The following WDFY3 variants were observed in gnomAD, a reference collection of about 807,000 sequenced individuals.
WDFY3 encodes the protein WD repeat and FYVE domain containing 3.
A neutral mutation model predicts 409.6 loss-of-function variants in WDFY3; 66 were observed. The observed-to-expected ratio is 0.16, with a 90% CI of 0.13 to 0.20. The LOEUF is 0.20. Among genes scored for constraint, WDFY3 ranks in the 10% least tolerant of loss-of-function variants. The pLI, the probability that WDFY3 is intolerant of heterozygous loss-of-function variation, is 1.00. For missense variants in WDFY3, 3,031 were observed against 4,298.1 expected (o/e 0.71, Z 8.24); for synonymous variants, 1,521 against 1,537.1 (o/e 0.99, Z 0.25).
chr4:84,693,349 T>C (rs1226159126), intron 58 of WDFY3, among the ~76,000 whole-genome samples: 1 of 152,202 alleles, frequency 6.6e-6, no homozygotes, highest in Non-Finnish European at 1.5e-5. Flanking sequence ...TCCAATGATA[T>C]TCAAAAGTTA....
At chr4:84,756,630 TA>T in intron 33 of WDFY3, among the ~76,000 whole-genome samples, 1 of 148,740 alleles carries the variant, frequency 6.7e-6, no homozygotes, top group South Asian at 2.1e-4. Context: ...TAAAATAAAA[TA>T]AAATAAAATA....
rs1360355375 is a variant in WDFY3 at position 84,698,695 on chromosome 4, CTTTCTTTT to C, written c.8597-1880_8597-1873del. Among the ~76,000 whole-genome samples, 14 of 151,902 alleles carry C rather than the reference CTTTCTTTT, an allele frequency of 9.2e-5. No individual in the cohort carries two copies. The South Asian group carries it at 2.9e-3, about 32-fold the overall frequency. On this transcript the variant is annotated intron_variant, in intron 56 of 67. Transcript: ENST00000295888. ...AAAAAAATCCAAGTGCTTTTTCTTT[CTTTCTTTT>C]TTTCTTTTGAGACAGAGTCTTGCTC...
Position 84,726,798 on chromosome 4 carries a change from A to C in WDFY3, c.7272+63T>G, listed in dbSNP as rs561392271. 359 of 1,505,732 alleles carry C rather than the reference A, an allele frequency of 2.4e-4. 1 individual carries two copies. In the African/African-American group the frequency reaches 3.4e-3, roughly 14 times the overall value. The allele number at this position is 1,505,732 out of a possible 1,614,324, so 93.3% of individuals were successfully genotyped here. Reference sequence around the variant, plus strand: ...AGTCTACCATGCACTTAAAAAAAAAACCAGAAAACAAAAAACAAAACTACA... The same window carrying C: ...AGTCTACCATGCACTTAAAAAAAAACCCAGAAAACAAAAAACAAAACTACA... On this transcript the variant is annotated intron_variant, in intron 45 of 67. Coordinates refer to ENST00000295888, the MANE Select transcript of WDFY3 (RefSeq NM_014991.6).
chr4:84,705,534 AT>A, intron 53 of WDFY3, 23 bp from the exon 54 acceptor site: 1 of 1,567,772 alleles, frequency 6.4e-7, no homozygotes, highest in South Asian at 1.1e-5. Context: ...ATGTAACTCA[AT>A]TCCAAGTTAC....
At chr4:84,684,148 C>CA (rs1727903832) in intron 62 of WDFY3, 23 bp from the exon 63 acceptor site, 1 of 1,518,628 alleles carries the variant, frequency 6.6e-7, no homozygotes, top group African/African-American at 1.4e-5. Context: ...AGAAAAACGT[C>CA]ATTCTCTTTG....
chr4:84,910,690 GCAA>G (rs1767642226), intron 2 of WDFY3, among the ~76,000 whole-genome samples: 1 of 151,942 alleles, frequency 6.6e-6, no homozygotes, highest in African/African-American at 2.4e-5. Context: ...AAAAAAATGG[GCAA>G]CTCCTCAATG....
intron 21 of WDFY3, among the ~76,000 whole-genome samples, chr4:84,791,515 T>C (rs1748517938): frequency 6.6e-6 from 1 of 152,202 alleles, no homozygotes; most frequent in Admixed American, 6.5e-5. Flanking sequence ...AATGTTGTTG[T>C]ATGACAATAA....
intron 21 of WDFY3, among the ~76,000 whole-genome samples, chr4:84,792,362 T>C (rs916414309): frequency 6.6e-6 from 1 of 152,180 alleles, no homozygotes; most frequent in Non-Finnish European, 1.5e-5. Flanking sequence ...AAAGTAAATA[T>C]GAACATATGG....
At chr4:84,960,495 T>G (rs1406658177) in intron 1 of WDFY3, among the ~76,000 whole-genome samples, 1 of 152,196 alleles carries the variant, frequency 6.6e-6, no homozygotes, top group Non-Finnish European at 1.5e-5. Context: ...CGAACAAATG[T>G]ATGAATCAAT....
chr4:84,819,574 G>A (rs1320097602), intron 12 of WDFY3, among the ~76,000 whole-genome samples: 2 of 151,946 alleles, frequency 1.3e-5, no homozygotes, highest in African/African-American at 4.8e-5. Flanking sequence ...TAGGTTATCT[G>A]TTAATGACAG....
At chr4:84,709,968 C>T (rs1560572780) in intron 51 of WDFY3, among the ~76,000 whole-genome samples, 1 of 152,188 alleles carries the variant, frequency 6.6e-6, no homozygotes, top group Non-Finnish European at 1.5e-5. Flanking sequence ...GTGATCCTCC[C>T]ACCTCGGCCT....
chr4:84,801,334 T>A (rs150965197), intron 17 of WDFY3, among the ~76,000 whole-genome samples: 178 of 152,280 alleles, frequency 1.2e-3, no homozygotes, highest in African/African-American at 4.1e-3. Flanking sequence ...GGTTAAAAAG[T>A]ATTTCTTTAA....
intron 67 of WDFY3, 32 bp from the exon 68 acceptor site, chr4:84,673,023 G>C: frequency 1.2e-6 from 2 of 1,612,558 alleles, no homozygotes; most frequent in African/African-American, 1.3e-5. Context: ...TTAATTATAG[G>C]TCTTCTCCAT....
chr4:84,693,439 T>A (rs1240650487), intron 58 of WDFY3, among the ~76,000 whole-genome samples: 1 of 152,240 alleles, frequency 6.6e-6, no homozygotes. Context: ...CTGGTTTCAA[T>A]GTGGCCTTTA....
Position 84,886,816 on chromosome 4 carries a change from A to G in WDFY3, c.-32+10095T>C, listed in dbSNP as rs144217002. ...AACAACAAAAAGTCATGCTGGGAATACCAACATTGTTCTGGTAGTGTTCAA... is the reference window on the plus strand; with the variant it reads ...AACAACAAAAAGTCATGCTGGGAATGCCAACATTGTTCTGGTAGTGTTCAA... On this transcript the variant is annotated intron_variant, in intron 3 of 67. Coordinates refer to ENST00000295888, the MANE Select transcript of WDFY3 (RefSeq NM_014991.6). Among the ~76,000 whole-genome samples the G allele has an allele frequency of 1.2e-4, 19 of 152,290 alleles. No individual in the cohort carries two copies. The East Asian group carries it at 3.5e-3, about 28-fold the overall frequency.
intron 10 of WDFY3, among the ~76,000 whole-genome samples, chr4:84,822,851 C>A (rs1047956822): frequency 1.3e-5 from 2 of 152,242 alleles, no homozygotes; most frequent in African/African-American, 4.8e-5. Context: ...ACATGTATGG[C>A]AAATACCAAA....
At position 84,774,898 on chromosome 4, in the gene WDFY3, G is replaced by C. The variant is rs758568006; in HGVS notation, c.4676C>G (p.Ser1559Cys). Reference protein sequence around the residue: ...LLLTLRDMSLSQPTIAAISNV... With the variant: ...LLLTLRDMSLCQPTIAAISNV... ...ACTAATAGCAGCAATAGTAGGCTGG[G>C]ATAAAGACATATCTCGAAGAGTCAG... The change falls in exon 29 of 68, where the codon TCC becomes TGC. Residue 1559 changes from serine (S) to cysteine (C), a missense_variant. Ser to Cys is a moderately radical substitution (Grantham distance 112). Coordinates refer to ENST00000295888, the MANE Select transcript of WDFY3 (RefSeq NM_014991.6). The C allele has an allele frequency of 1.1e-5, 17 of 1,613,932 alleles. No homozygotes were observed. Among genetic ancestry groups the C allele is most frequent in the East Asian group, 2.2e-5 (1 of 44,848 alleles).
At chr4:84,910,810 A>C (rs542431224) in intron 2 of WDFY3, among the ~76,000 whole-genome samples, 1 of 151,944 alleles carries the variant, frequency 6.6e-6, no homozygotes, top group African/African-American at 2.4e-5. Flanking sequence ...GGTTAAAGCG[A>C]TTCTCCTGCC....
At chr4:84,890,451 T>G (rs1401864368) in intron 3 of WDFY3, among the ~76,000 whole-genome samples, 1 of 152,206 alleles carries the variant, frequency 6.6e-6, no homozygotes, top group Non-Finnish European at 1.5e-5. Context: ...CTGTCAATGA[T>G]ATACATACAT....
Sources: allele counts gnomAD v4.1 joint callset (sites outside exome capture counted in the v4.1 genomes callset), GRCh38; gene constraint gnomAD v4.1.1; transcripts MANE v1.5; gene names NCBI Gene and HGNC (gene_info 2026-07-23, HGNC 2026-07-21).